Variants in ADAM28 observed in about 807,000 individuals in gnomAD.
ADAM28 encodes the protein disintegrin and metalloproteinase domain-containing protein 28.
In ADAM28, 105 loss-of-function variants were observed where a neutral mutation model predicts 101.2. The ratio of observed to expected loss-of-function variants is 1.04; its 90% CI spans 0.89 to 1.22. The LOEUF is 1.22. Ranked by LOEUF, ADAM28 falls within the 50% of genes most tolerant of loss-of-function variation. ADAM28 has a pLI of 0.00. For synonymous variants in ADAM28, 322 were observed against 310.6 expected (o/e 1.04, Z -0.39); for missense variants, 1,028 against 945.4 (o/e 1.09, Z -1.15).
rs1440343749 is a variant in ADAM28, at chr8:24,356,603, T to C, written c.*2199T>C. 6.6e-6 allele frequency: 1 copy of C among 152,184 alleles called. No homozygotes were observed. 9.4% of individuals were successfully genotyped at this position (152,184 alleles called of 1,614,324 possible). A position where few individuals can be genotyped will look rare whatever the true frequency, so the allele number is the denominator to read the frequency against. On this transcript the variant is annotated 3_prime_UTR_variant, in exon 23 of 23. Transcript: ENST00000265769. Reference sequence around the variant, plus strand: ...TTTCCCTTTCAGCTCAACTGCAGAATAGTTTAGAACAGACTTTTTGATTTC... The same window carrying C: ...TTTCCCTTTCAGCTCAACTGCAGAACAGTTTAGAACAGACTTTTTGATTTC...
chr8:24,320,053 C>T (rs1395219712), intron 6 of ADAM28, among the ~76,000 whole-genome samples, 183 bp from the exon 7 acceptor site: 1 of 151,918 alleles, frequency 6.6e-6, no homozygotes, highest in African/African-American at 2.4e-5. Flanking sequence ...TGTCCCTTCA[C>T]CTCCAAATTT....
chr8:24,331,069 G>A (rs1813296299), intron 11 of ADAM28, 81 bp from the exon 12 acceptor site: 3 of 1,381,386 alleles, frequency 2.2e-6, no homozygotes, highest in Admixed American at 2.3e-5. Flanking sequence ...GGCCGTGGGT[G>A]TAATTGTGCC....
chr8:24,326,640 G>A lies in ADAM28; in HGVS notation c.972+5G>A. 1 of 1,608,316 alleles carries A rather than the reference G, an allele frequency of 6.2e-7. No individual in the cohort carries two copies. The highest frequency in any genetic ancestry group is 8.5e-7 in the Non-Finnish European group (1 of 1,176,492). On this transcript the variant is annotated splice_donor_5th_base_variant and intron_variant, in intron 10 of 22. Transcript: ENST00000265769. ...TATTCTGTTGGCGTTGTTCAGGTCTGTATGATGATAAACTGTTGGTTCTAT... is the reference window on the plus strand; with the variant it reads ...TATTCTGTTGGCGTTGTTCAGGTCTATATGATGATAAACTGTTGGTTCTAT...
chr8:24,325,660 TA>T (rs1812441659), intron 9 of ADAM28, among the ~76,000 whole-genome samples: 1 of 151,562 alleles, frequency 6.6e-6, no homozygotes, highest in South Asian at 2.1e-4. Context: ...TCAGATTAAA[TA>T]GATAAAATCT....
At chr8:24,321,453 A>G in intron 8 of ADAM28, 164 bp downstream of exon 8, 3 of 678,620 alleles carry the variant, frequency 4.4e-6, no homozygotes, top group Non-Finnish European at 8.2e-6. Flanking sequence ...ACATAGGTGA[A>G]CATGAATATT....
intron 10 of ADAM28, among the ~76,000 whole-genome samples, chr8:24,329,627 A>G (rs1238275118): frequency 6.6e-6 from 1 of 152,166 alleles, no homozygotes. Flanking sequence ...CCTGATGGCC[A>G]AATGCATCAT....
At chr8:24,300,166 G>T in intron 2 of ADAM28, 89 bp downstream of exon 2, 1 of 1,070,812 alleles carries the variant, frequency 9.3e-7, no homozygotes, top group Non-Finnish European at 1.4e-6. Flanking sequence ...GATAGATATG[G>T]GATTTATACA....
At chr8:24,294,672 T>C (rs1807726050) in intron 1 of ADAM28, among the ~76,000 whole-genome samples, 1 of 152,206 alleles carries the variant, frequency 6.6e-6, no homozygotes, top group Non-Finnish European at 1.5e-5. Flanking sequence ...TCATTATTAG[T>C]AATAATACGT....
In ADAM28 at chr8:24,353,792, C is replaced by T. The variant is rs370224864; in HGVS notation, c.2267C>T (p.Pro756Leu). The T allele has an allele frequency of 6.6e-7, 1 of 1,521,044 alleles. No individual in the cohort carries two copies. Among genetic ancestry groups the T allele is most frequent in the Non-Finnish European group, 9.1e-7 (1 of 1,096,020 alleles). The allele number at this position is 1,521,044 out of a possible 1,614,324, so 94.2% of individuals were successfully genotyped here. A position where few individuals can be genotyped will look rare whatever the true frequency, so the allele number is the denominator to read the frequency against. The change falls in exon 22 of 23, where the codon CCC (proline) becomes CTC (leucine). Residue 756 changes from proline to leucine, a missense_variant. By Grantham distance (98) the Pro-to-Leu change is moderately conservative. Transcript: ENST00000265769. Reference sequence around the variant, plus strand: ...TAGCATAAAGACACAAACGCACTTCCCCCTACTGTTTTCAAGGATAATCCA... The same window carrying T: ...TAGCATAAAGACACAAACGCACTTCTCCCTACTGTTTTCAAGGATAATCCA... ...ASFHKDTNAL[P>L]PTVFKDNPVS... is the part of the protein sequence containing the mutation.
intron 9 of ADAM28, among the ~76,000 whole-genome samples, chr8:24,325,287 T>C (rs13251128): frequency 0.012 from 1,879 of 152,094 alleles, 12 homozygotes; most frequent in Non-Finnish European, 0.019. Flanking sequence ...ATGTCAAGAA[T>C]AGATTCCTTG....
chr8:24,331,814 T>C (rs1418976480), intron 12 of ADAM28, among the ~76,000 whole-genome samples: 1 of 152,048 alleles, frequency 6.6e-6, no homozygotes, highest in Non-Finnish European at 1.5e-5. Flanking sequence ...CCTTACTGCT[T>C]TGGGACTCGG....
rs911422991 is a variant in ADAM28 at position 24,343,543 on chromosome 8, G to A, written c.1949G>A (p.Gly650Glu). 1.2e-6 allele frequency: 2 copies of A among 1,613,832 alleles called. No individual in the cohort carries two copies. The highest frequency in any genetic ancestry group is 1.1e-5 in the South Asian group (1 of 91,066). ...GAGCTCCAGTGTCAATGTGAGGAAG[G>A]ATGGATCCCTCCCGACTGCGATGAC... ...DHELQCQCEEGWIPPDCDDSS... is the reference protein window; with the variant it reads ...DHELQCQCEEEWIPPDCDDSS... Residue 650 changes from glycine (G) to glutamate (E), a missense_variant, in exon 18 of 23, where the codon GGA (glycine) becomes GAA (glutamate). By Grantham distance (98) the Gly-to-Glu change is moderately conservative. Coordinates refer to ENST00000265769, the MANE Select transcript of ADAM28 (RefSeq NM_014265.6).
chr8:24,317,075 T>G (rs1345111507), intron 6 of ADAM28, among the ~76,000 whole-genome samples: 1 of 151,874 alleles, frequency 6.6e-6, no homozygotes, highest in East Asian at 1.9e-4. Flanking sequence ...TAAATGAATA[T>G]CCCATGCTCA....
Position 24,321,298 on chromosome 8 carries a change from T to C in ADAM28, c.720+9T>C. 1 of 1,588,866 alleles carries C rather than the reference T, an allele frequency of 6.3e-7. No individual in the cohort carries two copies. Reference sequence around the variant, plus strand: ...CTAATTATGTCAACATGGTAAGACATATTTTATTACCTGCAGTTTTAAACA... The same window carrying C: ...CTAATTATGTCAACATGGTAAGACACATTTTATTACCTGCAGTTTTAAACA... On this transcript the variant is annotated intron_variant, in intron 8 of 22. Transcript: ENST00000265769.
At chr8:24,329,916 A>G in intron 10 of ADAM28, 69 bp from the exon 11 acceptor site, 2 of 1,506,336 alleles carry the variant, frequency 1.3e-6, no homozygotes, top group Non-Finnish European at 9.0e-7. Context: ...AGAGAGAGAG[A>G]TGGCAAGTAG....
At chr8:24,315,020 G>C (rs1810978919) in intron 6 of ADAM28, among the ~76,000 whole-genome samples, 1 of 149,998 alleles carries the variant, frequency 6.7e-6, no homozygotes, top group Admixed American at 6.6e-5. Flanking sequence ...AGATAAACAA[G>C]GGAGGAAGAA....
chr8:24,303,085 T>C (rs894561650), intron 2 of ADAM28, among the ~76,000 whole-genome samples: 3 of 152,154 alleles, frequency 2.0e-5, no homozygotes, highest in Admixed American at 1.3e-4. Flanking sequence ...TCTCTCATTC[T>C]GTAGGTTGTC....
intron 2 of ADAM28, among the ~76,000 whole-genome samples, chr8:24,305,051 C>T (rs1051468748): frequency 4.7e-4 from 72 of 151,698 alleles, no homozygotes; most frequent in Non-Finnish European, 8.2e-4. Context: ...TTCTTCTTTT[C>T]GACATAAATT....
Position 24,320,308 on chromosome 8 carries a change from G to GTAAT in ADAM28, c.648+4_648+7dup. 1 of 1,583,802 alleles carries GTAAT rather than the reference G, an allele frequency of 6.3e-7. No homozygotes were observed. The highest frequency in any genetic ancestry group is 8.6e-7 in the Non-Finnish European group (1 of 1,156,564). ...TTATTTGGTCCTGGATAATGGTGAGGTAATTATATGAGATAAATGTGCTGT... is the reference window on the plus strand; with the variant it reads ...TTATTTGGTCCTGGATAATGGTGAGGTAATTAATTATATGAGATAAATGTGCTGT... On this transcript the variant is annotated splice_donor_variant, in intron 7 of 22. Coordinates refer to ENST00000265769, the MANE Select transcript of ADAM28 (RefSeq NM_014265.6). LOFTEE classifies it high-confidence loss of function.
Sources: gnomAD v4.1 joint callset for allele counts (sites outside exome capture counted in the v4.1 genomes callset) on GRCh38, gnomAD v4.1.1 for gene constraint, MANE v1.5 for transcripts, NCBI Gene and HGNC (gene_info 2026-07-23, HGNC 2026-07-21) for gene names.